The following TNIK variants were observed in gnomAD, a reference collection of about 807,000 sequenced individuals.
TNIK encodes the protein TRAF2 and NCK-interacting protein kinase.
TNIK carries 49 observed loss-of-function variants against 191.3 expected under a neutral mutation model. The ratio of observed to expected loss-of-function variants is 0.26; its 90% CI spans 0.20 to 0.32. The LOEUF (loss-of-function observed/expected upper bound fraction) is 0.32, where lower values mean the gene tolerates loss of function less well. TNIK is among the 10% of genes least tolerant of loss of function. The probability of loss-of-function intolerance (pLI) is 1.00; values close to 1 mark genes in which losing one functional copy is unlikely to be tolerated. For synonymous variants in TNIK, 594 were observed against 600.9 expected, an observed-to-expected ratio of 0.99 and a Z score of 0.17; for missense variants, 1,155 against 1,702.3, an observed-to-expected ratio of 0.68 and a Z score of 5.66.
intron 2 of TNIK, among the ~76,000 whole-genome samples, chr3:171,364,981 C>T (rs766244228): frequency 9.2e-5 from 14 of 151,782 alleles, no homozygotes; most frequent in Non-Finnish European, 1.5e-4. Context: ...GCATAAAACA[C>T]GACTTTTAGT....
At chr3:171,259,451 A>G (rs756009932) in intron 2 of TNIK, among the ~76,000 whole-genome samples, 1 of 152,198 alleles carries the variant, frequency 6.6e-6, no homozygotes, top group South Asian at 2.1e-4. Context: ...ACAGGAGTCC[A>G]GTCAGGACCA....
Position 171,063,844 on chromosome 3 carries a change from A to C in TNIK, c.*37T>G. 1 of 1,598,762 alleles carries C rather than the reference A, an allele frequency of 6.3e-7. No homozygotes were observed. ...ATGAGTTATGTTCTTTTAAATTAGA[A>C]ATAACGCCATGAAGATAAGTGCCAA... On this transcript the variant is annotated 3_prime_UTR_variant, in exon 33 of 33. Transcript: ENST00000436636.
At chr3:171,176,267 C>A (rs578208689) in intron 8 of TNIK, among the ~76,000 whole-genome samples, 18 of 152,300 alleles carry the variant, frequency 1.2e-4, no homozygotes, top group Middle Eastern at 3.4e-3. Flanking sequence ...ATTTTGTCAA[C>A]CAGCACTCCA....
intron 2 of TNIK, among the ~76,000 whole-genome samples, chr3:171,230,552 T>C (rs532006883): frequency 6.6e-6 from 1 of 152,262 alleles, no homozygotes; most frequent in East Asian, 1.9e-4. Flanking sequence ...CACTTGCTCT[T>C]ACTCTGTGGA....
chr3:171,283,308 CTCTTTT>C, intron 2 of TNIK, among the ~76,000 whole-genome samples: 1 of 151,708 alleles, frequency 6.6e-6, no homozygotes, highest in South Asian at 2.1e-4. Flanking sequence ...AATAGAACTA[CTCTTTT>C]TCTTTTTTCT....
Position 171,110,771 on chromosome 3 carries a change from GGGAGCTGGGCTGGGAGCTAGGGGTGCT to G in TNIK, c.2200_2226del (p.Ser734_Ser742del). The G allele has an allele frequency of 6.2e-7, 1 of 1,603,570 alleles. No homozygotes were observed. Among genetic ancestry groups the G allele is most frequent in the Non-Finnish European group, 8.5e-7 (1 of 1,175,288 alleles). On this transcript the variant is annotated inframe_deletion, in exon 19 of 33. Transcript: ENST00000436636. ...TGTGATCCAGGCTGGGAGCCTCCTT[GGGAGCTGGGCTGGGAGCTAGGGGTGCT>G]GGAGCTGGAGGAACTGCCACTGCTG...
chr3:171,151,024 A>G (rs1732368358), intron 12 of TNIK, among the ~76,000 whole-genome samples: 1 of 152,244 alleles, frequency 6.6e-6, no homozygotes, highest in East Asian at 1.9e-4. Flanking sequence ...CAAGAATACC[A>G]ATCCAGGTTT....
intron 28 of TNIK, among the ~76,000 whole-genome samples, chr3:171,075,149 T>C (rs1250245917): frequency 6.6e-6 from 1 of 152,240 alleles, no homozygotes; most frequent in Non-Finnish European, 1.5e-5. Context: ...ATGAATTTTA[T>C]TGCTCTGTAA....
intron 1 of TNIK, among the ~76,000 whole-genome samples, chr3:171,436,515 AACTTGTC>A (rs1056369842): frequency 1.3e-5 from 2 of 151,998 alleles, no homozygotes; most frequent in Non-Finnish European, 2.9e-5. Context: ...GATTTTACAT[AACTTGTC>A]ACAAGCTGCA....
rs71634497 is a variant in TNIK, at chr3:171,327,900, T to TAAAAAAAAAAAAA, written c.123+41707_123+41719dup. ...ATCTGTGGCTCCCAAACCTGGCTCA[T>TAAAAAAAAAAAAA]AAAAAAAAAAAAAAAAAAAAAAAAA... On this transcript the variant is annotated intron_variant, in intron 2 of 32. Coordinates refer to ENST00000436636, the MANE Select transcript of TNIK (RefSeq NM_015028.4). Among the ~76,000 whole-genome samples, 238 of 79,564 alleles carry TAAAAAAAAAAAAA rather than the reference T, an allele frequency of 3.0e-3. 15 individuals are homozygous for TAAAAAAAAAAAAA. The highest frequency in any genetic ancestry group is 4.4e-3 in the Non-Finnish European group (169 of 38,738). The allele number at this position is 79,564 out of a possible 152,430, so 52.2% of individuals were successfully genotyped here. A position where few individuals can be genotyped will look rare whatever the true frequency, so the allele number is the denominator to read the frequency against.
intron 1 of TNIK, among the ~76,000 whole-genome samples, chr3:171,387,048 A>C (rs1195665359): frequency 2.6e-5 from 4 of 152,206 alleles, no homozygotes; most frequent in African/African-American, 9.7e-5. Flanking sequence ...AGATGGTCAC[A>C]CTGGTGCTAA....
At chr3:171,410,463 G>A (rs2108600530) in intron 1 of TNIK, among the ~76,000 whole-genome samples, 1 of 152,286 alleles carries the variant, frequency 6.6e-6, no homozygotes, top group Non-Finnish European at 1.5e-5. Flanking sequence ...CTCAGGATAT[G>A]AATGAAGGCT....
intron 8 of TNIK, 36 bp from the exon 9 acceptor site, chr3:171,175,366 G>A: frequency 6.3e-7 from 1 of 1,574,954 alleles, no homozygotes; most frequent in Non-Finnish European, 8.6e-7. Flanking sequence ...GCTACAGTTA[G>A]GAGGCCAAAC....
intron 1 of TNIK, among the ~76,000 whole-genome samples, chr3:171,454,680 G>GA (rs1200545095): frequency 6.6e-6 from 1 of 152,148 alleles, no homozygotes; most frequent in Non-Finnish European, 1.5e-5. Flanking sequence ...AATATCTAAT[G>GA]AAAAAATTGC....
chr3:171,425,940 C>G (rs1276782761), intron 1 of TNIK, among the ~76,000 whole-genome samples: 2 of 151,996 alleles, frequency 1.3e-5, no homozygotes, highest in African/African-American at 4.8e-5. Flanking sequence ...AATAGGAACA[C>G]TTTTACACTG....
Position 171,282,341 on chromosome 3 carries a change from G to GTTTTTTTTTT in TNIK, c.124-54130_124-54121dup, listed in dbSNP as rs869305605. On this transcript the variant is annotated intron_variant, in intron 2 of 32. Coordinates refer to ENST00000436636, the MANE Select transcript of TNIK (RefSeq NM_015028.4). ...CTGCAGATTCTCTTAATGGTTTTTT[G>GTTTTTTTTTT]TTTTTTTTTTTTTTTTTGAGATGGA... Among the ~76,000 whole-genome samples, 224 of 79,902 alleles carry GTTTTTTTTTT rather than the reference G, an allele frequency of 2.8e-3. 9 individuals carry two copies. Among genetic ancestry groups the GTTTTTTTTTT allele is most frequent in the African/African-American group, 9.7e-3 (218 of 22,382 alleles). The allele number at this position is 79,902 out of a possible 152,430, so 52.4% of individuals were successfully genotyped here. A position where few individuals can be genotyped will look rare whatever the true frequency, so the allele number is the denominator to read the frequency against.
At position 171,217,226 on chromosome 3, in the gene TNIK, G is replaced by C. The variant is rs1286732650; in HGVS notation, c.181-5985C>G. Reference sequence around the variant, plus strand: ...TGCAATACTATGCAGCCATAAAAATGAATGGAATCATGTCCTTTTCAGTAA... The same window carrying C: ...TGCAATACTATGCAGCCATAAAAATCAATGGAATCATGTCCTTTTCAGTAA... On this transcript the variant is annotated intron_variant, in intron 3 of 32. Transcript: ENST00000436636. 2.0e-5 allele frequency among the ~76,000 whole-genome samples: 3 copies of C among 152,218 alleles called. No homozygotes were observed. In the East Asian group the frequency reaches 5.8e-4, roughly 29 times the overall value.
At chr3:171,400,970 T>A (rs1720880623) in intron 1 of TNIK, among the ~76,000 whole-genome samples, 1 of 152,128 alleles carries the variant, frequency 6.6e-6, no homozygotes, top group Admixed American at 6.5e-5. Context: ...GGGGTTTGCC[T>A]GGGAATAGCA....
intron 2 of TNIK, among the ~76,000 whole-genome samples, chr3:171,321,912 A>G (rs1489028681): frequency 1.3e-5 from 2 of 152,204 alleles, no homozygotes; most frequent in Non-Finnish European, 2.9e-5. Flanking sequence ...AAGACTTTGA[A>G]AATCTGGTGG....
Sources: gnomAD v4.1 joint callset for allele counts (sites outside exome capture counted in the v4.1 genomes callset) on GRCh38, gnomAD v4.1.1 for gene constraint, MANE v1.5 for transcripts, NCBI Gene and HGNC (gene_info 2026-07-23, HGNC 2026-07-21) for gene names.